The following SLC26A5 variants were observed in gnomAD, a reference collection of about 807,000 sequenced individuals.
The protein encoded by SLC26A5 is prestin.
A neutral mutation model predicts 81.0 loss-of-function variants in SLC26A5; 51 were observed. The ratio of observed to expected loss-of-function variants is 0.63; its 90% CI spans 0.50 to 0.80. The LOEUF (loss-of-function observed/expected upper bound fraction) is 0.80, where lower values mean the gene tolerates loss of function less well. SLC26A5 is among the 30% of genes least tolerant of loss of function. SLC26A5 has a pLI of 0.00. For synonymous variants in SLC26A5, 325 were observed against 332.8 expected (o/e 0.98, Z 0.25); for missense variants, 771 against 905.8 (o/e 0.85, Z 1.91).
chr7:103,407,631 G>A (rs963312942), intron 8 of SLC26A5, among the ~76,000 whole-genome samples: 1 of 149,604 alleles, frequency 6.7e-6, no homozygotes, highest in African/African-American at 2.6e-5. Flanking sequence ...AAATTTTCAT[G>A]CAGAGTCTTA....
chr7:103,404,207 G>C (rs1442979740), intron 8 of SLC26A5, among the ~76,000 whole-genome samples: 1 of 152,058 alleles, frequency 6.6e-6, no homozygotes, highest in Non-Finnish European at 1.5e-5. Flanking sequence ...ATTGTTATGT[G>C]TGAATTTGAT....
intron 8 of SLC26A5, 71 bp from the exon 9 acceptor site, chr7:103,398,085 A>AT (rs1317506989): frequency 3.5e-6 from 4 of 1,153,176 alleles, no homozygotes; most frequent in Middle Eastern, 1.9e-4. Flanking sequence ...AGCTTCAAAT[A>AT]ATATGTTAGT....
rs149725848 is a variant in SLC26A5 at position 103,377,341 on chromosome 7, A to G, written c.1986+258T>C. Among the ~76,000 whole-genome samples the G allele has an allele frequency of 4.8e-3, 733 of 152,346 alleles. 2 individuals are homozygous for G. The highest frequency in any genetic ancestry group is 0.011 in the Admixed American group (163 of 15,296). Reference sequence around the variant, plus strand: ...GATGTTATGACTGGGATGTGTTTCAAAATAAAACAAGAGAAAGTGAATGTC... The same window carrying G: ...GATGTTATGACTGGGATGTGTTTCAGAATAAAACAAGAGAAAGTGAATGTC... On this transcript the variant is annotated intron_variant, in intron 18 of 19. Coordinates refer to ENST00000306312, the MANE Select transcript of SLC26A5 (RefSeq NM_198999.3).
intron 3 of SLC26A5, 88 bp from the exon 4 acceptor site, chr7:103,420,965 C>T (rs1825299156): frequency 1.4e-6 from 2 of 1,426,078 alleles, no homozygotes; most frequent in South Asian, 1.2e-5. Context: ...CTTCCTTATT[C>T]CCAGGAGCAA....
intron 4 of SLC26A5, among the ~76,000 whole-genome samples, chr7:103,420,454 TTTTTTG>T (rs1178062526): frequency 6.6e-6 from 1 of 151,816 alleles, no homozygotes; most frequent in Non-Finnish European, 1.5e-5. Flanking sequence ...CCCAGCTATG[TTTTTTG>T]TTTTTGTTTG....
intron 19 of SLC26A5, chr7:103,362,489 G>A: frequency 3.5e-6 from 5 of 1,408,534 alleles, no homozygotes; most frequent in Non-Finnish European, 4.6e-6. Context: ...GATTGCTGTT[G>A]GATAGGTTGT....
At chr7:103,382,221 G>A (rs1240052328) in intron 14 of SLC26A5, among the ~76,000 whole-genome samples, 2 of 152,052 alleles carry the variant, frequency 1.3e-5, no homozygotes, top group South Asian at 4.1e-4. Context: ...AAGAATCACT[G>A]ACTCATAGTA....
At chr7:103,359,140 T>TTTTTTG (rs1820221118) in intron 19 of SLC26A5, among the ~76,000 whole-genome samples, 1 of 91,196 alleles carries the variant, frequency 1.1e-5, no homozygotes, top group Non-Finnish European at 2.1e-5. Flanking sequence ...ATGTCTGGCT[T>TTTTTTG]TTTTTTTTTT....
At chr7:103,433,275 A>C (rs1017695904) in intron 2 of SLC26A5, among the ~76,000 whole-genome samples, 18 of 152,080 alleles carry the variant, frequency 1.2e-4, no homozygotes, top group Admixed American at 1.1e-3. Flanking sequence ...AGGATTTCTT[A>C]TTATTATTGT....
chr7:103,402,393 CTTTTT>C (rs541398228), intron 8 of SLC26A5, among the ~76,000 whole-genome samples: 3 of 124,512 alleles, frequency 2.4e-5, no homozygotes, highest in Non-Finnish European at 5.0e-5. Context: ...ACGTATTGCT[CTTTTT>C]TTTTTTTTTT....
chr7:103,436,714 A>G (rs1407184404), intron 2 of SLC26A5, among the ~76,000 whole-genome samples: 1 of 152,206 alleles, frequency 6.6e-6, no homozygotes, highest in African/African-American at 2.4e-5. Flanking sequence ...TCTTCAATAA[A>G]TGGTGCTGGG....
chr7:103,414,035 G>A (rs1435108561), intron 4 of SLC26A5, among the ~76,000 whole-genome samples: 2 of 151,990 alleles, frequency 1.3e-5, no homozygotes, highest in African/African-American at 2.4e-5. Flanking sequence ...GTGTGGTACA[G>A]TCTATGCAAA....
intron 5 of SLC26A5, among the ~76,000 whole-genome samples, 157 bp from the exon 6 acceptor site, chr7:103,411,743 C>T (rs369630906): frequency 6.6e-6 from 1 of 152,200 alleles, no homozygotes; most frequent in East Asian, 1.9e-4. Flanking sequence ...TATGAGCAAC[C>T]GTGTGTGTGC....
At chr7:103,445,304 G>T (rs1827203035) in intron 1 of SLC26A5, 1 of 152,218 alleles carries the variant, frequency 6.6e-6, no homozygotes, top group Non-Finnish European at 1.5e-5. Context: ...TCCCGGCGGG[G>T]CCCGGCCCAG....
At chr7:103,440,411 T>C (rs1046348263) in intron 2 of SLC26A5, among the ~76,000 whole-genome samples, 6 of 152,350 alleles carry the variant, frequency 3.9e-5, no homozygotes, top group African/African-American at 1.4e-4. Context: ...ACTATTCTTA[T>C]TATCTTAAGA....
chr7:103,407,714 TCAAATTTGA>T, intron 8 of SLC26A5, 128 bp downstream of exon 8: 1 of 970,670 alleles, frequency 1.0e-6, no homozygotes, highest in African/African-American at 1.6e-5. Context: ...AATGAATTTG[TCAAATTTGA>T]CAAATTGTAA....
At chr7:103,401,887 T>G (rs1823619417) in intron 8 of SLC26A5, among the ~76,000 whole-genome samples, 1 of 152,238 alleles carries the variant, frequency 6.6e-6, no homozygotes, top group Admixed American at 6.5e-5. Flanking sequence ...GAACCAGCCT[T>G]GCATCCCAGG....
At chr7:103,405,850 C>T (rs1235840644) in intron 8 of SLC26A5, among the ~76,000 whole-genome samples, 2 of 152,200 alleles carry the variant, frequency 1.3e-5, no homozygotes, top group Non-Finnish European at 2.9e-5. Context: ...ATTGTGGCTG[C>T]TGCCTTTCTT....
downstream of SLC26A5, among the ~76,000 whole-genome samples, chr7:103,373,647 C>G (rs1244807186): frequency 6.6e-6 from 1 of 152,136 alleles, no homozygotes; most frequent in African/African-American, 2.4e-5. Context: ...CACAAACCAA[C>G]TGCAAATCTG....
Sources: gnomAD v4.1 joint callset for allele counts (sites outside exome capture counted in the v4.1 genomes callset) on GRCh38, gnomAD v4.1.1 for gene constraint, MANE v1.5 for transcripts, NCBI Gene and HGNC (gene_info 2026-07-23, HGNC 2026-07-21) for gene names.